The following AKR1E2 variants were observed in gnomAD, a reference collection of about 807,000 sequenced individuals.
The protein encoded by AKR1E2 is 1,5-anhydro-D-fructose reductase.
Under a neutral mutation model 41.9 loss-of-function variants are expected in AKR1E2, and 43 were observed. That is an observed-to-expected ratio of 1.03 (90% CI 0.80 to 1.32). The LOEUF (loss-of-function observed/expected upper bound fraction) is 1.32, where lower values mean the gene tolerates loss of function less well. AKR1E2 is among the 40% of genes most tolerant of loss of function. The probability of loss-of-function intolerance (pLI) is 0.00; values close to 1 mark genes in which losing one functional copy is unlikely to be tolerated. For missense variants in AKR1E2, 423 were observed against 396.5 expected, an observed-to-expected ratio of 1.07 and a Z score of -0.57; for synonymous variants, 121 against 138.9, an observed-to-expected ratio of 0.87 and a Z score of 0.91.
At chr10:4,844,926 C>A (rs1834204347) in intron 8 of AKR1E2, among the ~76,000 whole-genome samples, 1 of 152,342 alleles carries the variant, frequency 6.6e-6, no homozygotes, top group Middle Eastern at 3.4e-3. Flanking sequence ...ACTCCTCAGC[C>A]CTTGGGTGGT....
At chr10:4,854,163 A>G in the AKR1E2 span, among the ~76,000 whole-genome samples, 39,821 of 148,260 alleles carry the variant, frequency 0.27, 5,468 homozygotes, top group Middle Eastern at 0.41. Flanking sequence ...GCACTATCTC[A>G]ACTCACTGCA....
chr10:4,830,920 A>C, intron 2 of AKR1E2, 78 bp downstream of exon 2: 1 of 1,538,980 alleles, frequency 6.5e-7, no homozygotes, highest in Non-Finnish European at 8.9e-7. Flanking sequence ...TCTTTATGGG[A>C]GTTGATGACT....
downstream of AKR1E2, among the ~76,000 whole-genome samples, chr10:4,852,689 T>A (rs4242773): frequency 6.6e-6 from 1 of 152,044 alleles, no homozygotes; most frequent in African/African-American, 2.4e-5. Context: ...AGAGATGGAT[T>A]GGCAAGGTCT....
chr10:4,853,963 G>T, the AKR1E2 span, among the ~76,000 whole-genome samples: 1 of 152,150 alleles, frequency 6.6e-6, no homozygotes, highest in African/African-American at 2.4e-5. Flanking sequence ...GTCTAAAAAG[G>T]GGAGGCAGAA....
upstream of AKR1E2, among the ~76,000 whole-genome samples, chr10:4,825,383 C>T (rs921737618): frequency 1.3e-5 from 2 of 152,124 alleles, no homozygotes; most frequent in Middle Eastern, 3.4e-3. Flanking sequence ...ATAAGAGGGG[C>T]GTCGGAAGGC....
At chr10:4,855,489 C>T in the AKR1E2 span, among the ~76,000 whole-genome samples, 3 of 152,146 alleles carry the variant, frequency 2.0e-5, no homozygotes, top group South Asian at 2.1e-4. Context: ...TGTGTCCTTG[C>T]GAGCTTGACC....
intron 3 of AKR1E2, 105 bp downstream of exon 3, chr10:4,833,571 G>A (rs1833156367): frequency 2.1e-6 from 2 of 972,366 alleles, no homozygotes. Context: ...TCAGGGCAGG[G>A]GTTCCCAGGC....
chr10:4,844,373 CAA>C (rs1834132551), intron 8 of AKR1E2, among the ~76,000 whole-genome samples: 3 of 152,182 alleles, frequency 2.0e-5, no homozygotes, highest in African/African-American at 7.2e-5. Flanking sequence ...AGTGTGGACC[CAA>C]AGAGTGAGCA....
chr10:4,867,788 C>T, the AKR1E2 span, among the ~76,000 whole-genome samples: 9 of 152,308 alleles, frequency 5.9e-5, no homozygotes, highest in Admixed American at 5.9e-4. Flanking sequence ...CTTCCTTTTC[C>T]AAGCCATGTG....
chr10:4,841,526 C>G (rs1331704276), intron 6 of AKR1E2, among the ~76,000 whole-genome samples: 1 of 152,070 alleles, frequency 6.6e-6, no homozygotes, highest in Non-Finnish European at 1.5e-5. Context: ...GACATGGCCA[C>G]CTGGTTTTTG....
chr10:4,866,424 A>G, the AKR1E2 span, among the ~76,000 whole-genome samples: 135,888 of 152,164 alleles, frequency 0.89, 61,600 homozygotes, highest in East Asian at 0.98. Flanking sequence ...TTCCCTGAAT[A>G]TTACCATCTT....
the AKR1E2 span, among the ~76,000 whole-genome samples, chr10:4,858,395 T>C: frequency 6.6e-6 from 1 of 152,260 alleles, no homozygotes; most frequent in Non-Finnish European, 1.5e-5. Flanking sequence ...TACAGCAGGC[T>C]GAATCCTATA....
At chr10:4,849,614 CA>C (rs1834484251), downstream of AKR1E2, among the ~76,000 whole-genome samples, 1 of 152,124 alleles carries the variant, frequency 6.6e-6, no homozygotes, top group Non-Finnish European at 1.5e-5. Context: ...CTGGGGAGGG[CA>C]GGGGTGGATG....
At chr10:4,855,469 C>T in the AKR1E2 span, among the ~76,000 whole-genome samples, 1 of 152,170 alleles carries the variant, frequency 6.6e-6, no homozygotes, top group African/African-American at 2.4e-5. Flanking sequence ...GAGGTTTCCC[C>T]CTTGTCTTGT....
the AKR1E2 span, among the ~76,000 whole-genome samples, chr10:4,856,047 T>C: frequency 3.9e-5 from 6 of 152,162 alleles, no homozygotes; most frequent in Admixed American, 3.3e-4. Context: ...CTTACCAAGG[T>C]TTTTCACCAA....
At chr10:4,846,187 G>A (rs1314018204) in intron 8 of AKR1E2, 1 of 252,410 alleles carries the variant, frequency 4.0e-6, no homozygotes, top group East Asian at 9.8e-5. Context: ...CCCTCAGGAG[G>A]GGAAGGCTCT....
At chr10:4,866,111 C>A in the AKR1E2 span, among the ~76,000 whole-genome samples, 21 of 152,194 alleles carry the variant, frequency 1.4e-4, no homozygotes, top group Non-Finnish European at 2.5e-4. Flanking sequence ...TTGTTTTTCA[C>A]TGTCCAGGCT....
At chr10:4,826,829 A>T (rs971804448) in intron 1 of AKR1E2, among the ~76,000 whole-genome samples, 1 of 152,068 alleles carries the variant, frequency 6.6e-6, no homozygotes, top group Non-Finnish European at 1.5e-5. Flanking sequence ...TAATCCCAGC[A>T]CTTTGGGAGG....
At chr10:4,833,035 C>G (rs1223725265) in intron 2 of AKR1E2, among the ~76,000 whole-genome samples, 1 of 152,164 alleles carries the variant, frequency 6.6e-6, no homozygotes, top group African/African-American at 2.4e-5. Context: ...TTTCTGCCTG[C>G]AGGAATTTCA....
Sources: gnomAD v4.1 joint callset for allele counts (sites outside exome capture counted in the v4.1 genomes callset) on GRCh38, gnomAD v4.1.1 for gene constraint, MANE v1.5 for transcripts, NCBI Gene and HGNC (gene_info 2026-07-23, HGNC 2026-07-21) for gene names.